ROBO2: variants seen among roughly 807,000 people sequenced by gnomAD.
The protein encoded by ROBO2 is roundabout guidance receptor 2.
A neutral mutation model predicts 160.8 loss-of-function variants in ROBO2; 53 were observed. That is an observed-to-expected ratio of 0.33 (90% CI 0.26 to 0.41). ROBO2 has a LOEUF of 0.41. ROBO2 is among the 10% of genes least tolerant of loss of function. The probability of loss-of-function intolerance (pLI) is 1.00; values close to 1 mark genes in which losing one functional copy is unlikely to be tolerated. For missense variants in ROBO2, 1,577 were observed against 1,722.4 expected, an observed-to-expected ratio of 0.92 and a Z score of 1.49; for synonymous variants, 664 against 611.7, an observed-to-expected ratio of 1.09 and a Z score of -1.26.
intron 2 of ROBO2, among the ~76,000 whole-genome samples, chr3:76,501,781 A>G (rs998726264): frequency 2.0e-5 from 3 of 152,220 alleles, no homozygotes; most frequent in African/African-American, 7.2e-5. Context: ...ATAACATTTT[A>G]TATTAACAGG....
chr3:77,384,029 A>G (rs2073840613), intron 2 of ROBO2, among the ~76,000 whole-genome samples: 1 of 152,162 alleles, frequency 6.6e-6, no homozygotes, highest in Non-Finnish European at 1.5e-5. Context: ...AATGTAAAAT[A>G]TGCCGCCCTG....
At chr3:77,369,899 A>AT (rs2071482734) in intron 2 of ROBO2, among the ~76,000 whole-genome samples, 1 of 152,208 alleles carries the variant, frequency 6.6e-6, no homozygotes, top group Non-Finnish European at 1.5e-5. Flanking sequence ...AGACAGTGAT[A>AT]TTTGAAAAGT....
chr3:76,770,314 A>G (rs1483469589), intron 2 of ROBO2, among the ~76,000 whole-genome samples: 1 of 151,322 alleles, frequency 6.6e-6, no homozygotes, highest in Non-Finnish European at 1.5e-5. Flanking sequence ...TTTTTTCATC[A>G]TAATTTCTCA....
chr3:76,805,650 C>A (rs1174866726), intron 2 of ROBO2, among the ~76,000 whole-genome samples: 2 of 143,976 alleles, frequency 1.4e-5, no homozygotes, highest in African/African-American at 5.2e-5. Context: ...TGTTCATGAG[C>A]CTCTTAATTC....
chr3:76,925,604 T>A (rs1366541310), intron 2 of ROBO2, among the ~76,000 whole-genome samples: 1 of 152,204 alleles, frequency 6.6e-6, no homozygotes, highest in African/African-American at 2.4e-5. Flanking sequence ...AATATTGTTT[T>A]GATATTTGCA....
intron 2 of ROBO2, among the ~76,000 whole-genome samples, chr3:76,614,041 T>C (rs1051230069): frequency 1.3e-5 from 2 of 152,082 alleles, no homozygotes; most frequent in African/African-American, 4.8e-5. Flanking sequence ...ACTGAATTTA[T>C]TTCACCTTAT....
intron 2 of ROBO2, among the ~76,000 whole-genome samples, chr3:77,292,418 C>T (rs144019620): frequency 7.3e-4 from 110 of 150,900 alleles, no homozygotes; most frequent in South Asian, 2.1e-3. Flanking sequence ...GACGGTTAAA[C>T]GGATAAGCTG....
intron 2 of ROBO2, among the ~76,000 whole-genome samples, chr3:76,347,392 G>A (rs893972606): frequency 2.0e-5 from 3 of 152,076 alleles, no homozygotes; most frequent in African/African-American, 7.2e-5. Flanking sequence ...TCAAAATTGT[G>A]TGTGATGATG....
At chr3:77,391,966 T>TA (rs1034302205) in intron 2 of ROBO2, among the ~76,000 whole-genome samples, 15 of 152,132 alleles carry the variant, frequency 9.9e-5, no homozygotes, top group African/African-American at 3.6e-4. Context: ...ACTTAATATT[T>TA]AAAAATCCTA....
chr3:76,138,801 G>A (rs2071524513), intron 2 of ROBO2, among the ~76,000 whole-genome samples: 1 of 151,980 alleles, frequency 6.6e-6, no homozygotes, highest in African/African-American at 2.4e-5. Flanking sequence ...TGCCATTTAT[G>A]TTTTATTACA....
chr3:76,203,605 A>C (rs867880163), intron 2 of ROBO2, among the ~76,000 whole-genome samples: 2 of 140,422 alleles, frequency 1.4e-5, no homozygotes, highest in African/African-American at 5.5e-5. Context: ...CCGTCAAGAG[A>C]TCACAGGTCA....
Position 76,701,854 on chromosome 3 carries a change from A to G in ROBO2, c.110-396160A>G, listed in dbSNP as rs933424003. On this transcript the variant is annotated intron_variant, in intron 2 of 26. Transcript: ENST00000487694. ...TGAGTAGTGTGTAGCAGTCTAAAAAAAAAAAAAAACAAAGGTCACTTTTAT... is the reference window on the plus strand; with the variant it reads ...TGAGTAGTGTGTAGCAGTCTAAAAAGAAAAAAAAACAAAGGTCACTTTTAT... Among the ~76,000 whole-genome samples the G allele has an allele frequency of 2.4e-4, 37 of 151,884 alleles. No homozygotes were observed. In the South Asian group the frequency reaches 3.3e-3, roughly 14 times the overall value.
At chr3:76,754,475 GT>G (rs1214161805) in intron 2 of ROBO2, among the ~76,000 whole-genome samples, 1 of 151,856 alleles carries the variant, frequency 6.6e-6, no homozygotes, top group Non-Finnish European at 1.5e-5. Context: ...GCTCTTCTGT[GT>G]TTTATTTATG....
chr3:76,847,470 A>G (rs961161317), intron 2 of ROBO2, among the ~76,000 whole-genome samples: 3 of 152,202 alleles, frequency 2.0e-5, no homozygotes, highest in African/African-American at 7.2e-5. Context: ...ACTGGTAAGA[A>G]CACCACATAC....
chr3:77,065,927 T>G (rs2066793466), intron 1 of ROBO2, among the ~76,000 whole-genome samples: 1 of 152,126 alleles, frequency 6.6e-6, no homozygotes, highest in Non-Finnish European at 1.5e-5. Context: ...ACATCTGTTT[T>G]TGCAAAATTG....
intron 2 of ROBO2, among the ~76,000 whole-genome samples, chr3:76,117,997 G>A (rs2070550430): frequency 6.6e-6 from 1 of 151,992 alleles, no homozygotes; most frequent in Admixed American, 6.6e-5. Context: ...GCCTGTAGTG[G>A]GGTGGGGTGA....
At chr3:77,437,998 C>T (rs80082797) in intron 2 of ROBO2, among the ~76,000 whole-genome samples, 3,409 of 151,890 alleles carry the variant, frequency 0.022, 86 homozygotes, top group East Asian at 0.078. Context: ...TTTTTAATAA[C>T]GATAATAACT....
At chr3:76,236,864 G>A (rs1704979250) in intron 2 of ROBO2, among the ~76,000 whole-genome samples, 1 of 151,274 alleles carries the variant, frequency 6.6e-6, no homozygotes, top group Non-Finnish European at 1.5e-5. Context: ...ATAACCCTAA[G>A]GTATATAATG....
chr3:76,218,198 C>G (rs1444066116), intron 2 of ROBO2, among the ~76,000 whole-genome samples: 1 of 152,144 alleles, frequency 6.6e-6, no homozygotes, highest in East Asian at 1.9e-4. Flanking sequence ...AAACACACAG[C>G]CAATATCATA....
Sources: allele counts gnomAD v4.1 joint callset (sites outside exome capture counted in the v4.1 genomes callset), GRCh38; gene constraint gnomAD v4.1.1; transcripts MANE v1.5; gene names NCBI Gene and HGNC (gene_info 2026-07-23, HGNC 2026-07-21).